Variants in PCOLCE2 observed in about 807,000 individuals in gnomAD.
PCOLCE2 encodes procollagen C-proteinase enhancer 2.
PCOLCE2 carries 42 observed loss-of-function variants against 47.0 expected under a neutral mutation model. The observed-to-expected ratio is 0.89, with a 90% CI of 0.70 to 1.16. The LOEUF (loss-of-function observed/expected upper bound fraction) is 1.16, where lower values mean the gene tolerates loss of function less well. PCOLCE2 is among the 50% of genes most tolerant of loss of function. The pLI is 0.00. For missense variants in PCOLCE2, 500 were observed against 526.1 expected (o/e 0.95, Z 0.49); for synonymous variants, 169 against 191.7 (o/e 0.88, Z 0.98).
chr3:142,888,186 T>C (rs1481593686), intron 1 of PCOLCE2, among the ~76,000 whole-genome samples: 1 of 152,126 alleles, frequency 6.6e-6, no homozygotes, highest in East Asian at 1.9e-4. Context: ...GTCGTTCCCA[T>C]ATTTGGAGAG....
At position 142,823,580 on chromosome 3, in the gene PCOLCE2, A is replaced by T; in HGVS notation, c.901T>A (p.Cys301Ser). The T allele has an allele frequency of 1.2e-6, 2 of 1,611,268 alleles. No individual in the cohort carries two copies. The highest frequency in any genetic ancestry group is 1.1e-5 in the South Asian group (1 of 90,906). ...KPTVALCQQK[C>S]RRTGTLEGNY... is the part of the protein sequence containing the mutation. Reference sequence around the variant, plus strand: ...CCCTCCAGAGTCCCCGTCCGTCTACACTTTTGTTGACACAAGGCCACGGTG... The same window carrying T: ...CCCTCCAGAGTCCCCGTCCGTCTACTCTTTTGTTGACACAAGGCCACGGTG... Residue 301 changes from cysteine to serine, a missense_variant, in exon 7 of 9, where the codon TGT becomes AGT. Physicochemically the swap from Cys to Ser is moderately radical, Grantham distance 112 (BLOSUM62 -1). Transcript: ENST00000295992.
At chr3:142,874,456 C>A (rs531705883) in intron 2 of PCOLCE2, among the ~76,000 whole-genome samples, 2 of 152,192 alleles carry the variant, frequency 1.3e-5, no homozygotes, top group Non-Finnish European at 2.9e-5. Flanking sequence ...CACCTTCCAC[C>A]ATGATTGTAA....
chr3:142,827,846 C>A, intron 6 of PCOLCE2: 1 of 538,142 alleles, frequency 1.9e-6, no homozygotes, highest in Non-Finnish European at 3.3e-6. Context: ...AAGGCGACAG[C>A]CTAATTTATA....
chr3:142,837,496 AAT>A (rs1380573834), intron 5 of PCOLCE2, among the ~76,000 whole-genome samples: 1 of 152,192 alleles, frequency 6.6e-6, no homozygotes, highest in Non-Finnish European at 1.5e-5. Flanking sequence ...CTTTAACTCA[AAT>A]ATGTCAATGA....
At chr3:142,828,996 T>C (rs1937116074) in intron 6 of PCOLCE2, among the ~76,000 whole-genome samples, 1 of 152,216 alleles carries the variant, frequency 6.6e-6, no homozygotes, top group Non-Finnish European at 1.5e-5. Flanking sequence ...TATTTCAGCC[T>C]ATTTTACATC....
chr3:142,871,136 C>G (rs1406129497), intron 2 of PCOLCE2, among the ~76,000 whole-genome samples: 1 of 152,184 alleles, frequency 6.6e-6, no homozygotes, highest in Non-Finnish European at 1.5e-5. Context: ...CTTGACTCCT[C>G]TTTTTTCTCT....
At chr3:142,848,587 C>G in intron 2 of PCOLCE2, 115 bp from the exon 3 acceptor site, 2 of 920,322 alleles carry the variant, frequency 2.2e-6, no homozygotes, top group East Asian at 2.5e-5. Context: ...GCTTTTTCCT[C>G]TCTCATATCT....
At chr3:142,866,107 T>G (rs76411268) in intron 2 of PCOLCE2, among the ~76,000 whole-genome samples, 2,764 of 152,306 alleles carry the variant, frequency 0.018, 39 homozygotes, top group South Asian at 0.038. Flanking sequence ...TGATAAAACA[T>G]GATTTCTGGG....
In PCOLCE2 at chr3:142,829,804, T is replaced by C. The variant is rs751663953; in HGVS notation, c.753A>G (p.Leu251=). ...CATCTGCAGTTAAACTTAAGTCTGA[T>C]AAAAACTGAATAAGAAGTTCATTTC... The part of the protein sequence containing the change: ...SERNELLIQF[L]SDLSLTADGF... Residue 251 remains leucine, a synonymous_variant, in exon 6 of 9, where the codon TTA becomes TTG. Coordinates refer to ENST00000295992, the MANE Select transcript of PCOLCE2 (RefSeq NM_013363.4). 17 of 1,602,270 alleles carry C rather than the reference T, an allele frequency of 1.1e-5. No individual in the cohort carries two copies. The East Asian group carries it at 2.2e-4, about 21-fold the overall frequency.
At position 142,824,238 on chromosome 3, in the gene PCOLCE2, C is replaced by T. The variant is rs529586389; in HGVS notation, c.866-623G>A. Reference sequence around the variant, plus strand: ...GACAAAACACAGCAGTTCTTAAGTACGGGTGACGTTGCCCCCAGCAGGCAT... The same window carrying T: ...GACAAAACACAGCAGTTCTTAAGTATGGGTGACGTTGCCCCCAGCAGGCAT... On this transcript the variant is annotated intron_variant, in intron 6 of 8. Transcript: ENST00000295992. Among the ~76,000 whole-genome samples the T allele has an allele frequency of 8.6e-5, 13 of 151,844 alleles. No individual in the cohort carries two copies. The East Asian group carries it at 2.4e-3, about 29-fold the overall frequency.
intron 2 of PCOLCE2, among the ~76,000 whole-genome samples, chr3:142,853,331 C>T (rs1246902791): frequency 1.3e-5 from 2 of 152,104 alleles, no homozygotes; most frequent in East Asian, 1.9e-4. Flanking sequence ...TGCCTAAACA[C>T]CCCCAAACCC....
chr3:142,824,411 G>C (rs28754809), intron 6 of PCOLCE2, among the ~76,000 whole-genome samples: 1,734 of 152,256 alleles, frequency 0.011, 34 homozygotes, highest in African/African-American at 0.039. Context: ...TATAAATAGT[G>C]CTGAGGTAGA....
At chr3:142,821,340 CTTGA>C (rs56697213) in intron 7 of PCOLCE2, among the ~76,000 whole-genome samples, 1,573 of 152,276 alleles carry the variant, frequency 0.01, 23 homozygotes, top group African/African-American at 0.036. Flanking sequence ...CAACTTGTGG[CTTGA>C]TTGTCACATA....
intron 3 of PCOLCE2, among the ~76,000 whole-genome samples, chr3:142,847,168 T>C (rs1937336515): frequency 6.6e-6 from 1 of 152,230 alleles, no homozygotes; most frequent in Non-Finnish European, 1.5e-5. Flanking sequence ...CTGTAATCTC[T>C]TTTCAGTTCT....
rs555655394 is a variant in PCOLCE2, at chr3:142,864,879, C to A, written c.193-16407G>T. On this transcript the variant is annotated intron_variant, in intron 2 of 8. Transcript: ENST00000295992. ...AATAATATTCCATTGTATGAATATG[C>A]CACATATTTATCCATTTACCCTGTT... is the stretch of plus-strand genomic sequence containing the variant. 7.0e-4 allele frequency among the ~76,000 whole-genome samples: 106 copies of A among 152,224 alleles called. 1 individual carries two copies. The highest frequency in any genetic ancestry group is 1.9e-4 in the East Asian group (1 of 5,194).
At position 142,850,105 on chromosome 3, in the gene PCOLCE2, A is replaced by G. The variant is rs535179598; in HGVS notation, c.193-1633T>C. ...AACAGCTTAAGAAGCTAATAACAGA[A>G]AGAACAATTTAAATTTTAAACATTA... On this transcript the variant is annotated intron_variant, in intron 2 of 8. Transcript: ENST00000295992. 1.1e-4 allele frequency among the ~76,000 whole-genome samples: 16 copies of G among 152,324 alleles called. No individual in the cohort carries two copies. The South Asian group carries it at 3.1e-3, about 30-fold the overall frequency.
At chr3:142,827,838 G>C in intron 6 of PCOLCE2, 1 of 548,570 alleles carries the variant, frequency 1.8e-6, no homozygotes. Flanking sequence ...AACCCAACAA[G>C]GCGACAGCCT....
At chr3:142,836,262 G>C (rs1210101355) in intron 5 of PCOLCE2, among the ~76,000 whole-genome samples, 1 of 152,146 alleles carries the variant, frequency 6.6e-6, no homozygotes, top group Non-Finnish European at 1.5e-5. Context: ...CTTAGGGAAG[G>C]GAGAAAGTTA....
At chr3:142,872,586 A>G (rs774068440) in intron 2 of PCOLCE2, among the ~76,000 whole-genome samples, 2 of 152,180 alleles carry the variant, frequency 1.3e-5, no homozygotes, top group Non-Finnish European at 2.9e-5. Context: ...GTATAAATCG[A>G]ATAAAATAAT....
Sources: allele counts gnomAD v4.1 joint callset (sites outside exome capture counted in the v4.1 genomes callset), GRCh38; gene constraint gnomAD v4.1.1; transcripts MANE v1.5; gene names NCBI Gene and HGNC (gene_info 2026-07-23, HGNC 2026-07-21).